CYTIP: variants seen among roughly 807,000 people sequenced by gnomAD.
CYTIP encodes the protein cytohesin 1 interacting protein, also known as cytohesin-interacting protein.
Under a neutral mutation model 43.8 loss-of-function variants are expected in CYTIP, and 26 were observed. The ratio of observed to expected loss-of-function variants is 0.59; its 90% confidence interval spans 0.44 to 0.82. CYTIP has a LOEUF of 0.82. Ranked by LOEUF, CYTIP falls within the 40% of genes least tolerant of loss-of-function variation. CYTIP has a pLI of 0.00. For synonymous variants in CYTIP, 162 were observed against 162.9 expected, an observed-to-expected ratio of 0.99 and a Z score of 0.04; for missense variants, 426 against 443.1, an observed-to-expected ratio of 0.96 and a Z score of 0.35.
intron 6 of CYTIP, 28 bp downstream of exon 6, chr2:157,427,323 T>C (rs1464970035): frequency 2.5e-6 from 4 of 1,572,518 alleles, no homozygotes; most frequent in African/African-American, 1.4e-5. Flanking sequence ...GGATGAAAAA[T>C]GTGCCTCACT....
At position 157,416,083 on chromosome 2, in the gene CYTIP, CCAAA is replaced by C; in HGVS notation, c.670_673del (p.Phe224AspfsTer26). ...GGCTGGGCCTGGCCCAGGCAGGGGT[CCAAA>C]CAAAGACAATTCATCCAAGTCCATG... On this transcript the variant is annotated frameshift_variant, in exon 8 of 8. Transcript: ENST00000264192. LOFTEE classifies it high-confidence loss of function. 2 of 1,614,038 alleles carry C rather than the reference CCAAA, an allele frequency of 1.2e-6. No homozygotes were observed. The highest frequency in any genetic ancestry group is 1.1e-5 in the South Asian group (1 of 91,076).
chr2:157,443,412 C>A (rs554088110), intron 1 of CYTIP, among the ~76,000 whole-genome samples: 2 of 151,880 alleles, frequency 1.3e-5, no homozygotes, highest in Non-Finnish European at 2.9e-5. Context: ...AATTAGTCAA[C>A]AAAATTTGTC....
At chr2:157,416,240 G>A (rs2105130254) in intron 7 of CYTIP, 97 bp from the exon 8 acceptor site, 1 of 1,026,252 alleles carries the variant, frequency 9.7e-7, no homozygotes, top group South Asian at 1.7e-5. Context: ...ACGAGAAAGA[G>A]TAAGGGTGAA....
In CYTIP at chr2:157,443,873, C is replaced by G. The variant is rs753539672; in HGVS notation, c.148G>C (p.Ala50Pro). The part of the protein sequence containing the change: ...RRIQMLADTV[A>P]TLPRGRKQLA... Reference sequence around the variant, plus strand: ...TGCTTTCGTCCCCGAGGCAGAGTAGCCACCGTGTCTGCTAGCATTTGAATC... The same window carrying G: ...TGCTTTCGTCCCCGAGGCAGAGTAGGCACCGTGTCTGCTAGCATTTGAATC... The change falls in exon 1 of 8, where the codon GCT becomes CCT. Residue 50 changes from alanine to proline, a missense_variant. Transcript: ENST00000264192. 1.2e-6 allele frequency: 2 copies of G among 1,614,076 alleles called. No individual in the cohort carries two copies. The highest frequency in any genetic ancestry group is 3.3e-5 in the Admixed American group (2 of 60,012).
At chr2:157,441,555 G>A (rs928988844) in intron 1 of CYTIP, among the ~76,000 whole-genome samples, 1 of 151,470 alleles carries the variant, frequency 6.6e-6, no homozygotes, top group Admixed American at 6.6e-5. Flanking sequence ...AATTAGTATG[G>A]GGATGTGTGT....
intron 1 of CYTIP, among the ~76,000 whole-genome samples, chr2:157,440,565 C>G (rs1685889555): frequency 6.6e-6 from 1 of 152,144 alleles, no homozygotes; most frequent in Admixed American, 6.5e-5. Context: ...GGGTGTGCTG[C>G]CGGACACACC....
intron 1 of CYTIP, among the ~76,000 whole-genome samples, chr2:157,442,903 T>G (rs150831404): frequency 0.013 from 1,945 of 152,304 alleles, 20 homozygotes; most frequent in Non-Finnish European, 0.018. Flanking sequence ...TCTAAATATT[T>G]TCTGTAGAAA....
intron 1 of CYTIP, among the ~76,000 whole-genome samples, chr2:157,442,495 G>C (rs1685933364): frequency 1.3e-5 from 2 of 150,576 alleles, no homozygotes; most frequent in Admixed American, 6.6e-5. Context: ...AAAAATCATA[G>C]CCTAATCAAG....
At chr2:157,443,701 G>A (rs2105149699) in intron 1 of CYTIP, 146 bp downstream of exon 1, 1 of 820,096 alleles carries the variant, frequency 1.2e-6, no homozygotes, top group Non-Finnish European at 1.8e-6. Context: ...CTAGCTCCCT[G>A]AGCATCTCAC....
At chr2:157,435,972 A>G (rs2105144512) in intron 1 of CYTIP, among the ~76,000 whole-genome samples, 1 of 152,336 alleles carries the variant, frequency 6.6e-6, no homozygotes, top group East Asian at 1.9e-4. Context: ...AAATGCCAGC[A>G]TTTTCACAAA....
In CYTIP at chr2:157,418,551, C is replaced by A; in HGVS notation, c.585G>T (p.Leu195=). 2 of 1,590,406 alleles carry A rather than the reference C, an allele frequency of 1.3e-6. No homozygotes were observed. Among genetic ancestry groups the A allele is most frequent in the South Asian group, 1.1e-5 (1 of 88,176 alleles). Residue 195 remains leucine (L), a synonymous_variant, in exon 7 of 8, where the codon CTG becomes CTT. Transcript: ENST00000264192. ...LKQKWVEYRS[L]QLQEHRLLHG... is the part of the protein sequence containing the mutation. The stretch of plus-strand genomic sequence containing the variant: ...GAAGCAGACGATGTTCCTGTAACTG[C>A]AGAGATCTGTACTCCACCCATTTTT...
intron 6 of CYTIP, among the ~76,000 whole-genome samples, chr2:157,421,773 G>A (rs1366325291): frequency 6.6e-6 from 1 of 152,178 alleles, no homozygotes; most frequent in African/African-American, 2.4e-5. Flanking sequence ...ACTGTGTGGA[G>A]GGGAAACCAG....
At chr2:157,440,718 T>C (rs1685895121) in intron 1 of CYTIP, among the ~76,000 whole-genome samples, 1 of 152,140 alleles carries the variant, frequency 6.6e-6, no homozygotes, top group Non-Finnish European at 1.5e-5. Flanking sequence ...AAAAGAAAAT[T>C]AGGAAAAGAG....
chr2:157,440,366 T>G (rs1306629608), intron 1 of CYTIP, among the ~76,000 whole-genome samples: 2 of 152,194 alleles, frequency 1.3e-5, no homozygotes, highest in Admixed American at 6.5e-5. Context: ...AAGTAAGGTC[T>G]GATGGTGGGC....
At chr2:157,424,624 A>G (rs1685575574) in intron 6 of CYTIP, among the ~76,000 whole-genome samples, 1 of 152,138 alleles carries the variant, frequency 6.6e-6, no homozygotes, top group Admixed American at 6.6e-5. Flanking sequence ...CCAGAGTTTG[A>G]GACTATAGTA....
At chr2:157,418,854 C>T (rs1319467615) in intron 6 of CYTIP, among the ~76,000 whole-genome samples, 1 of 152,006 alleles carries the variant, frequency 6.6e-6, no homozygotes, top group Admixed American at 6.5e-5. Flanking sequence ...TTTATTTAAA[C>T]AATTATTTTA....
Position 157,427,244 on chromosome 2 carries a change from C to T in CYTIP, c.546+107G>A, listed in dbSNP as rs920232772. On this transcript the variant is annotated intron_variant, in intron 6 of 7. Coordinates refer to ENST00000264192, the MANE Select transcript of CYTIP (RefSeq NM_004288.5). Reference sequence around the variant, plus strand: ...ATAATTCAGCAGTTTAGATTCACCACGACATTTCTTTTTCAAGGGCTATCT... The same window carrying T: ...ATAATTCAGCAGTTTAGATTCACCATGACATTTCTTTTTCAAGGGCTATCT... The T allele has an allele frequency of 2.6e-5, 23 of 883,714 alleles. No homozygotes were observed. The Middle Eastern group carries it at 7.8e-4, about 30-fold the overall frequency. The allele number at this position is 883,714 out of a possible 1,614,324, so 54.7% of individuals were successfully genotyped here.
chr2:157,442,103 A>G (rs1187945972), intron 1 of CYTIP, among the ~76,000 whole-genome samples: 1 of 152,116 alleles, frequency 6.6e-6, no homozygotes, highest in Non-Finnish European at 1.5e-5. Context: ...CTCAGCTTCA[A>G]TTTCTCCCTT....
chr2:157,427,612 GA>G (rs1685634228), intron 5 of CYTIP, among the ~76,000 whole-genome samples, 192 bp from the exon 6 acceptor site: 1 of 152,174 alleles, frequency 6.6e-6, no homozygotes, highest in Non-Finnish European at 1.5e-5. Context: ...AACAGAGAAA[GA>G]AAATGGGGGA....
Sources: gnomAD v4.1 joint callset for allele counts (sites outside exome capture counted in the v4.1 genomes callset) on GRCh38, gnomAD v4.1.1 for gene constraint, MANE v1.5 for transcripts, NCBI Gene and HGNC (gene_info 2026-07-23, HGNC 2026-07-21) for gene names.